FARP1: variants seen among roughly 807,000 people sequenced by gnomAD.
FARP1 encodes FERM, ARH/RhoGEF and pleckstrin domain protein 1.
Under a neutral mutation model 128.8 loss-of-function variants are expected in FARP1, and 52 were observed. The observed-to-expected ratio is 0.40, with a 90% CI of 0.32 to 0.51. The LOEUF (loss-of-function observed/expected upper bound fraction) is 0.51, where lower values mean the gene tolerates loss of function less well. FARP1 is among the 20% of genes least tolerant of loss of function. FARP1 has a pLI of 0.45. For missense variants in FARP1, 1,333 were observed against 1,367.9 expected, an observed-to-expected ratio of 0.97 and a Z score of 0.40; for synonymous variants, 580 against 551.8, an observed-to-expected ratio of 1.05 and a Z score of -0.72.
chr13:98,385,844 C>G (rs901058784), intron 8 of FARP1, 30 bp downstream of exon 8: 1 of 1,609,628 alleles, frequency 6.2e-7, no homozygotes. Flanking sequence ...GGCCTGGTTC[C>G]CTTGGTGACA....
intron 3 of FARP1, among the ~76,000 whole-genome samples, chr13:98,361,287 G>A (rs9513410): frequency 0.16 from 24,419 of 152,080 alleles, 2,377 homozygotes; most frequent in Middle Eastern, 0.25. Flanking sequence ...TTCCCGCTGC[G>A]GAGCTGCTGA....
chr13:98,185,638 G>A (rs1878809366), intron 1 of FARP1, among the ~76,000 whole-genome samples: 1 of 124,502 alleles, frequency 8.0e-6, no homozygotes, highest in Admixed American at 9.9e-5. Context: ...TTTTGATTCT[G>A]ATAATTAGTT....
chr13:98,360,927 C>T (rs1222101594), intron 3 of FARP1, among the ~76,000 whole-genome samples: 1 of 152,124 alleles, frequency 6.6e-6, no homozygotes, highest in Non-Finnish European at 1.5e-5. Flanking sequence ...ATGTGACCCT[C>T]TAGAGAAAGC....
Position 98,440,609 on chromosome 13 carries a change from G to GTT in FARP1, c.2630-60_2630-59insTT, listed in dbSNP as rs2139120242. The GTT allele has an allele frequency of 3.3e-5, 50 of 1,536,756 alleles. No individual in the cohort carries two copies. In the South Asian group the frequency reaches 6.0e-4, roughly 18 times the overall value. ...CCCCAACCTTCCAGCACCTCAGAGT[G>GTT]TATCAGGAAGGGGCGCTGGGAGGAA... On this transcript the variant is annotated intron_variant, in intron 23 of 26. Transcript: ENST00000319562.
intron 3 of FARP1, among the ~76,000 whole-genome samples, chr13:98,357,999 G>C (rs1888707702): frequency 6.6e-6 from 1 of 151,878 alleles, no homozygotes; most frequent in African/African-American, 2.4e-5. Flanking sequence ...AGGTTTTCCA[G>C]ACTGGCTGAT....
intron 24 of FARP1, chr13:98,445,859 G>GTCTGTCTT: frequency 2.0e-6 from 1 of 494,174 alleles, no homozygotes; most frequent in Non-Finnish European, 3.6e-6. Flanking sequence ...ACCTCAACGT[G>GTCTGTCTT]TCTTTTGGGG....
intron 1 of FARP1, among the ~76,000 whole-genome samples, chr13:98,153,297 A>AATATATATTTGTATATAAAATATATAAAT (rs375607675): frequency 8.7e-6 from 1 of 115,000 alleles, no homozygotes; most frequent in East Asian, 2.9e-4. Flanking sequence ...AATATATATA[A>AATATATATTTGTATATAAAATATATAAAT]ATATATTTAT....
intron 16 of FARP1, 117 bp downstream of exon 16, chr13:98,412,151 T>G: frequency 1.1e-6 from 1 of 948,148 alleles, no homozygotes; most frequent in Non-Finnish European, 1.6e-6. Flanking sequence ...GAAACTGGCT[T>G]ACAACAAGTC....
At position 98,385,417 on chromosome 13, in the gene FARP1, C is replaced by CA. The variant is rs11479917; in HGVS notation, c.612-242dup. 8.2e-4 allele frequency among the ~76,000 whole-genome samples: 124 copies of CA among 151,328 alleles called. 1 individual carries two copies. Among genetic ancestry groups the CA allele is most frequent in the Middle Eastern group, 6.8e-3 (2 of 294 alleles). On this transcript the variant is annotated intron_variant, in intron 7 of 26. Transcript: ENST00000319562. Reference sequence around the variant, plus strand: ...AAACTCTTTGAGATTCCAAAAAAAACAAAAAAAACAAAAACTGGCTGAGTT... The same window carrying CA: ...AAACTCTTTGAGATTCCAAAAAAAACAAAAAAAAACAAAAACTGGCTGAGTT...
At chr13:98,302,843 T>G (rs1318831212) in intron 2 of FARP1, among the ~76,000 whole-genome samples, 1 of 151,048 alleles carries the variant, frequency 6.6e-6, no homozygotes, top group Non-Finnish European at 1.5e-5. Flanking sequence ...GCGAGGAGAG[T>G]TAAGGTGAGT....
At position 98,454,353 on chromosome 13, in the gene FARP1, A is replaced by G. The variant is rs1893350496; in HGVS notation, c.*6036A>G. 1 of 152,230 alleles carries G rather than the reference A, an allele frequency of 6.6e-6. No homozygotes were observed. The highest frequency in any genetic ancestry group is 2.1e-4 in the South Asian group (1 of 4,830). 9.4% of individuals were successfully genotyped at this position (152,230 alleles called of 1,614,324 possible). On this transcript the variant is annotated 3_prime_UTR_variant, in exon 27 of 27. Transcript: ENST00000319562. Reference sequence around the variant, plus strand: ...ACAATTCCCTCAACCATTTTACAACAGACTCCAAATCACAGGTCCAGGAGA... The same window carrying G: ...ACAATTCCCTCAACCATTTTACAACGGACTCCAAATCACAGGTCCAGGAGA...
intron 2 of FARP1, among the ~76,000 whole-genome samples, chr13:98,330,136 G>A (rs1293008536): frequency 1.3e-5 from 2 of 152,162 alleles, no homozygotes; most frequent in African/African-American, 4.8e-5. Context: ...AGGCCTGGAG[G>A]TGGGTGTGTG....
At chr13:98,276,640 T>C (rs968285122) in intron 2 of FARP1, among the ~76,000 whole-genome samples, 4 of 152,250 alleles carry the variant, frequency 2.6e-5, no homozygotes, top group African/African-American at 9.6e-5. Flanking sequence ...AGAACCAAAG[T>C]AAGTCATCTT....
chr13:98,211,696 C>G (rs1167742497), intron 1 of FARP1, among the ~76,000 whole-genome samples: 1 of 152,208 alleles, frequency 6.6e-6, no homozygotes, highest in African/African-American at 2.4e-5. Context: ...ACATTTGAGA[C>G]CAACTTGAGT....
intron 1 of FARP1, among the ~76,000 whole-genome samples, chr13:98,150,971 T>G (rs1875954200): frequency 6.6e-6 from 1 of 151,686 alleles, no homozygotes; most frequent in Non-Finnish European, 1.5e-5. Context: ...AAGAGGTTAG[T>G]GTGGCAGATA....
chr13:98,222,179 TACCC>T (rs1300622213), intron 2 of FARP1, among the ~76,000 whole-genome samples: 2 of 152,244 alleles, frequency 1.3e-5, no homozygotes, highest in African/African-American at 4.8e-5. Flanking sequence ...TTGGACCAGA[TACCC>T]ACAGTGGAAT....
At chr13:98,316,445 C>T (rs766857801) in intron 2 of FARP1, among the ~76,000 whole-genome samples, 1 of 152,132 alleles carries the variant, frequency 6.6e-6, no homozygotes, top group Non-Finnish European at 1.5e-5. Flanking sequence ...AGAACTTGTT[C>T]CAGGTCACAC....
At chr13:98,334,093 C>T (rs1210875095) in intron 2 of FARP1, 2 of 139,372 alleles carry the variant, frequency 1.4e-5, no homozygotes, top group Non-Finnish European at 3.0e-5. Context: ...TCTTTACGTC[C>T]ATTTTATGTA....
At chr13:98,350,903 G>A (rs561249649) in intron 3 of FARP1, among the ~76,000 whole-genome samples, 1 of 152,044 alleles carries the variant, frequency 6.6e-6, no homozygotes, top group Non-Finnish European at 1.5e-5. Context: ...CACCTTCAGG[G>A]CCAGGTACCC....
Sources: gnomAD v4.1 joint callset for allele counts (sites outside exome capture counted in the v4.1 genomes callset) on GRCh38, gnomAD v4.1.1 for gene constraint, MANE v1.5 for transcripts, NCBI Gene and HGNC (gene_info 2026-07-23, HGNC 2026-07-21) for gene names.